DYNC2H1: variants seen among roughly 807,000 people sequenced by gnomAD.
DYNC2H1 encodes cytoplasmic dynein 2 heavy chain 1.
Under a neutral mutation model 570.0 loss-of-function variants are expected in DYNC2H1, and 410 were observed. The observed-to-expected ratio is 0.72, with a 90% confidence interval of 0.66 to 0.78. The LOEUF is 0.78. Ranked by LOEUF, DYNC2H1 falls within the 30% of genes least tolerant of loss-of-function variation. The probability of loss-of-function intolerance (pLI) is 0.00; values close to 1 mark genes in which losing one functional copy is unlikely to be tolerated. For missense variants in DYNC2H1, 4,865 were observed against 5,046.4 expected, an observed-to-expected ratio of 0.96 and a Z score of 1.09; for synonymous variants, 1,688 against 1,677.6, an observed-to-expected ratio of 1.01 and a Z score of -0.15.
intron 36 of DYNC2H1, among the ~76,000 whole-genome samples, chr11:103,174,528 A>G (rs10431051): frequency 0.11 from 16,404 of 152,188 alleles, 1,031 homozygotes; most frequent in East Asian, 0.22. Context: ...GCTTGTTAAA[A>G]CAGATTATTA....
chr11:103,176,452 T>G lies in DYNC2H1; in HGVS notation c.5874+18T>G. 6.8e-7 allele frequency: 1 copy of G among 1,462,540 alleles called. No individual in the cohort carries two copies. Among genetic ancestry groups the G allele is most frequent in the Non-Finnish European group, 9.0e-7 (1 of 1,108,980 alleles). The allele number at this position is 1,462,540 out of a possible 1,614,324, so 90.6% of individuals were successfully genotyped here. ...CCAATCAGGTAACTGTCAAGAATAT[T>G]TTATAATAGATTGATCCCTTTTCCT... is the stretch of plus-strand genomic sequence containing the variant. On this transcript the variant is annotated intron_variant, in intron 37 of 88. Transcript: ENST00000375735.
intron 84 of DYNC2H1, among the ~76,000 whole-genome samples, chr11:103,401,228 A>G (rs1186651071): frequency 1.3e-5 from 2 of 152,194 alleles, no homozygotes; most frequent in Non-Finnish European, 2.9e-5. Flanking sequence ...GAATCTGGGT[A>G]TGTCCTGTTG....
chr11:103,309,166 C>CTTTTTTT (rs1274431520), intron 78 of DYNC2H1, among the ~76,000 whole-genome samples: 2 of 56,570 alleles, frequency 3.5e-5, no homozygotes, highest in African/African-American at 5.2e-5. Flanking sequence ...TAACTGCATG[C>CTTTTTTT]TATTTTTTTT....
chr11:103,467,954 A>C (rs531172314), intron 87 of DYNC2H1, among the ~76,000 whole-genome samples: 9 of 152,300 alleles, frequency 5.9e-5, no homozygotes, highest in Non-Finnish European at 2.9e-5. Flanking sequence ...CTGACTCTAC[A>C]TTTGTTACCT....
rs905932678 is a variant in DYNC2H1, at chr11:103,289,567, C to T, written c.11095+1962C>T. Among the ~76,000 whole-genome samples, 1 of 152,016 alleles carries T rather than the reference C, an allele frequency of 6.6e-6. No individual in the cohort carries two copies. Among genetic ancestry groups the T allele is most frequent in the Non-Finnish European group, 1.5e-5 (1 of 68,006 alleles). The stretch of plus-strand genomic sequence containing the variant: ...CTTGAGCCCAGTAGTTTGAGACCAG[C>T]CTGGGCAGCATAGTGAGACCTTGTC... On this transcript the variant is annotated intron_variant, in intron 75 of 88. Coordinates refer to ENST00000375735, the MANE Select transcript of DYNC2H1 (RefSeq NM_001377.3). This position sits in a 1 kb window ranked among gnomAD's most constrained non-coding sequence, Gnocchi z 4.2.
chr11:103,388,979 T>A (rs7951300), intron 83 of DYNC2H1, among the ~76,000 whole-genome samples: 5,399 of 152,310 alleles, frequency 0.035, 316 homozygotes, highest in African/African-American at 0.12. Context: ...TTGTTGTGTC[T>A]CTGCCAGGCT....
chr11:103,153,650 A>T, intron 22 of DYNC2H1, 142 bp downstream of exon 22: 1 of 806,876 alleles, frequency 1.2e-6, no homozygotes, highest in South Asian at 1.7e-5. Context: ...ATAAGCATTC[A>T]TATACTGTTG....
chr11:103,175,210 A>G (rs1420131529), intron 36 of DYNC2H1, among the ~76,000 whole-genome samples: 3 of 152,212 alleles, frequency 2.0e-5, no homozygotes, highest in East Asian at 1.9e-4. Flanking sequence ...TTAAAACACT[A>G]TGAAAGTAGA....
intron 59 of DYNC2H1, among the ~76,000 whole-genome samples, chr11:103,227,103 G>A (rs1404069272): frequency 6.6e-6 from 1 of 151,618 alleles, no homozygotes; most frequent in Non-Finnish European, 1.5e-5. Context: ...TCTTGCAAAT[G>A]GTCTGTCAAT....
intron 65 of DYNC2H1, among the ~76,000 whole-genome samples, chr11:103,246,672 C>T (rs748189389): frequency 1.1e-4 from 17 of 152,034 alleles, no homozygotes; most frequent in African/African-American, 1.9e-4. Flanking sequence ...CTGTTATCCC[C>T]TTTGTGTATA....
chr11:103,356,071 T>C (rs940490161), intron 82 of DYNC2H1, among the ~76,000 whole-genome samples: 3 of 152,152 alleles, frequency 2.0e-5, no homozygotes, highest in Non-Finnish European at 4.4e-5. Flanking sequence ...CTGTTAATTA[T>C]GGGTAGAAAG....
In DYNC2H1 at chr11:103,177,774, T is replaced by G. The variant is rs372641908; in HGVS notation, c.6093T>G (p.Asp2031Glu). Reference protein sequence around the residue: ...HIDMDTREWSDGVLTNSARQV... With the variant: ...HIDMDTREWSEGVLTNSARQV... Reference sequence around the variant, plus strand: ...ACATGGACACAAGAGAATGGTCTGATGGTGTTTTGACAAATAGTGCTCGTC... The same window carrying G: ...ACATGGACACAAGAGAATGGTCTGAGGGTGTTTTGACAAATAGTGCTCGTC... The change falls in exon 38 of 89, where the codon GAT becomes GAG. Residue 2031 changes from aspartate to glutamate, a missense_variant. Physicochemically the swap from Asp to Glu is conservative, Grantham distance 45. Around this residue, in one of 5 missense-constraint regions of DYNC2H1, gnomAD observed 231 missense variants for 310.3 expected, o/e 0.74. Transcript: ENST00000375735. This position sits in a 1 kb window ranked among gnomAD's most constrained non-coding sequence, Gnocchi z 4.4. 120 of 1,613,168 alleles carry G rather than the reference T, an allele frequency of 7.4e-5. 1 individual carries two copies. The African/African-American group carries it at 1.4e-3, about 19-fold the overall frequency.
chr11:103,384,637 G>A (rs1285560684), intron 83 of DYNC2H1, among the ~76,000 whole-genome samples: 4 of 151,982 alleles, frequency 2.6e-5, no homozygotes, highest in Non-Finnish European at 4.4e-5. Context: ...GCTTATCAAA[G>A]TTAAACTCAG....
intron 82 of DYNC2H1, among the ~76,000 whole-genome samples, chr11:103,341,373 T>C (rs1484932540): frequency 1.3e-5 from 2 of 152,226 alleles, no homozygotes; most frequent in African/African-American, 2.4e-5. Context: ...CAGTTGCAGA[T>C]TGAGATTATT....
chr11:103,272,066 T>G (rs1460522159), intron 70 of DYNC2H1, among the ~76,000 whole-genome samples: 1 of 152,200 alleles, frequency 6.6e-6, no homozygotes, highest in Non-Finnish European at 1.5e-5. Flanking sequence ...AGCCATCCCA[T>G]TACTGGGTAT....
chr11:103,230,526 G>A (rs1863965488), intron 59 of DYNC2H1, among the ~76,000 whole-genome samples: 3 of 152,138 alleles, frequency 2.0e-5, no homozygotes, highest in African/African-American at 7.2e-5. Flanking sequence ...TTTATTAGCG[G>A]TAGTCAGCTC....
chr11:103,256,151 A>G lies in DYNC2H1; in HGVS notation c.10372A>G (p.Ile3458Val). The stretch of plus-strand genomic sequence containing the variant: ...CAATATTTTGGAAAATAAGGATTTG[A>G]TTGAGTCTTTGAATCAGACAAAAGC... ...QGNILENKDL[I>V]ESLNQTKASS... is the part of the protein sequence containing the mutation. The change falls in exon 68 of 89, where the codon ATT (isoleucine) becomes GTT (valine). Residue 3458 changes from isoleucine to valine, a missense_variant. Around this residue, in one of 5 missense-constraint regions of DYNC2H1, gnomAD observed 2,401 missense variants for 2,454.6 expected, o/e 0.98. Coordinates refer to ENST00000375735, the MANE Select transcript of DYNC2H1 (RefSeq NM_001377.3). The surrounding 1 kb of genome is among the most constrained non-coding windows in gnomAD (Gnocchi z 4.0). 1 of 1,608,856 alleles carries G rather than the reference A, an allele frequency of 6.2e-7. No individual in the cohort carries two copies. Among genetic ancestry groups the G allele is most frequent in the Non-Finnish European group, 8.5e-7 (1 of 1,177,104 alleles).
chr11:103,117,517 T>A (rs1039169168), intron 5 of DYNC2H1, 114 bp from the exon 6 acceptor site: 1 of 845,510 alleles, frequency 1.2e-6, no homozygotes, highest in African/African-American at 1.7e-5. Context: ...ATTTCATAGA[T>A]CCTTAGTTGG....
At chr11:103,233,828 T>A (rs1242143960) in intron 60 of DYNC2H1, among the ~76,000 whole-genome samples, 2 of 50,122 alleles carry the variant, frequency 4.0e-5, no homozygotes, top group African/African-American at 1.8e-4. Context: ...ATGCTACACT[T>A]TATGTGTGTG....
Sources: allele counts gnomAD v4.1 joint callset (sites outside exome capture counted in the v4.1 genomes callset), GRCh38; gene constraint gnomAD v4.1.1; regional missense constraint gnomAD v4.1.1; non-coding constraint Gnocchi (gnomAD v3.1); transcripts MANE v1.5; gene names NCBI Gene and HGNC (gene_info 2026-07-23, HGNC 2026-07-21).